MAGI2: variants seen among roughly 807,000 people sequenced by gnomAD.
MAGI2 encodes the protein membrane-associated guanylate kinase, WW and PDZ domain-containing protein 2.
MAGI2 carries 35 observed loss-of-function variants against 133.3 expected under a neutral mutation model. The ratio of observed to expected loss-of-function variants is 0.26; its 90% CI spans 0.20 to 0.35. The LOEUF (loss-of-function observed/expected upper bound fraction) is 0.35. MAGI2 is among the 10% of genes least tolerant of loss of function. The pLI, the probability that MAGI2 is intolerant of heterozygous loss-of-function variation, is 1.00. For synonymous variants in MAGI2, 729 were observed against 710.6 expected (o/e 1.03, Z -0.41); for missense variants, 1,636 against 1,863.4 (o/e 0.88, Z 2.25).
chr7:79,008,525 C>T lies in MAGI2; in HGVS notation c.302-1319G>A, dbSNP rs1584658496. Among the ~76,000 whole-genome samples, 6 of 152,244 alleles carry T rather than the reference C, an allele frequency of 3.9e-5. No individual in the cohort carries two copies. In the South Asian group the frequency reaches 1.2e-3, roughly 32 times the overall value. ...AATTCTTACCCTCCAGATGATGTTTCTTTCATATTTGAGCAAATGGTCTCT... is the reference window on the plus strand; with the variant it reads ...AATTCTTACCCTCCAGATGATGTTTTTTTCATATTTGAGCAAATGGTCTCT... On this transcript the variant is annotated intron_variant, in intron 1 of 21. Coordinates refer to ENST00000354212, the MANE Select transcript of MAGI2 (RefSeq NM_012301.4).
rs772044827 is a variant in MAGI2 at position 78,501,636 on chromosome 7, G to T, written c.906C>A (p.Asp302Glu). The change falls in exon 5 of 22, where the codon GAC (aspartate) becomes GAA (glutamate). Residue 302 changes from aspartate to glutamate, a missense_variant. Around this residue, in one of 5 missense-constraint regions of MAGI2, gnomAD observed 920 missense variants for 1,093.5 expected, o/e 0.84. Coordinates refer to ENST00000354212, the MANE Select transcript of MAGI2 (RefSeq NM_012301.4). The stretch of plus-strand genomic sequence containing the variant: ...CCATTTCCCAGTTATCAGGCAATGG[G>T]TCTGGTTCCTCATTGTCTTCAGGTT... Reference protein sequence around the residue: ...PTKPEDNEEPDPLPDNWEMAY... With the variant: ...PTKPEDNEEPEPLPDNWEMAY... 1 of 1,614,118 alleles carries T rather than the reference G, an allele frequency of 6.2e-7. No individual in the cohort carries two copies. Among genetic ancestry groups the T allele is most frequent in the East Asian group, 2.2e-5 (1 of 44,864 alleles).
intron 1 of MAGI2, among the ~76,000 whole-genome samples, chr7:79,298,859 C>T (rs1475751342): frequency 6.6e-6 from 1 of 150,894 alleles, no homozygotes; most frequent in Middle Eastern, 3.2e-3. Flanking sequence ...TGTGTGAAGA[C>T]AGAGGGAAAA....
intron 2 of MAGI2, among the ~76,000 whole-genome samples, chr7:78,997,742 A>G (rs535247691): frequency 7.3e-4 from 111 of 152,274 alleles, no homozygotes; most frequent in Admixed American, 2.5e-3. Context: ...TCTGTGCTCT[A>G]AAGTCCTTGA....
intron 6 of MAGI2, among the ~76,000 whole-genome samples, chr7:78,481,155 G>A (rs575309163): frequency 6.6e-6 from 1 of 151,908 alleles, no homozygotes; most frequent in Non-Finnish European, 1.5e-5. Flanking sequence ...GTATTAGTCT[G>A]TTCTCACACT....
chr7:78,976,271 A>G (rs906868079), intron 2 of MAGI2, among the ~76,000 whole-genome samples: 10 of 151,658 alleles, frequency 6.6e-5, no homozygotes, highest in Non-Finnish European at 1.0e-4. Context: ...AGCTGTTTCA[A>G]CATTAGACAA....
chr7:78,771,883 T>G (rs886330305), intron 2 of MAGI2, among the ~76,000 whole-genome samples: 4 of 152,230 alleles, frequency 2.6e-5, no homozygotes, highest in Non-Finnish European at 5.9e-5. Flanking sequence ...TGCTTTGCTC[T>G]GAGACAAATA....
At chr7:79,136,004 A>AAAGAAAGAAAGAAG (rs1167684250) in intron 1 of MAGI2, among the ~76,000 whole-genome samples, 1 of 10,926 alleles carries the variant, frequency 9.2e-5, no homozygotes, top group African/African-American at 2.3e-4. Context: ...AGAAAGAAAG[A>AAAGAAAGAAAGAAG]GAAAGAAAGA....
intron 2 of MAGI2, among the ~76,000 whole-genome samples, chr7:78,904,863 T>G (rs1212079560): frequency 6.6e-6 from 1 of 152,192 alleles, no homozygotes; most frequent in African/African-American, 2.4e-5. Context: ...GGAGAAAGAA[T>G]GAACCATAAG....
At chr7:79,131,225 T>C (rs1459968353) in intron 1 of MAGI2, among the ~76,000 whole-genome samples, 1 of 152,190 alleles carries the variant, frequency 6.6e-6, no homozygotes, top group Non-Finnish European at 1.5e-5. Context: ...CATACTGTTC[T>C]TTCTCCCAAT....
chr7:78,687,704 C>T (rs1563354877), intron 2 of MAGI2, among the ~76,000 whole-genome samples: 1 of 152,046 alleles, frequency 6.6e-6, no homozygotes, highest in African/African-American at 2.4e-5. Context: ...CGCGGTGGCT[C>T]ACGCCTGTAA....
intron 20 of MAGI2, among the ~76,000 whole-genome samples, chr7:78,124,464 C>T (rs1031238528): frequency 6.6e-6 from 1 of 152,180 alleles, no homozygotes; most frequent in South Asian, 2.1e-4. Flanking sequence ...ATGCCTTCTG[C>T]TTTTGGACTG....
chr7:78,762,332 A>G (rs567680153), intron 2 of MAGI2, among the ~76,000 whole-genome samples: 43 of 152,222 alleles, frequency 2.8e-4, no homozygotes, highest in African/African-American at 9.6e-4. Context: ...AATCCCAGTT[A>G]CTCAGGAGGC....
intron 6 of MAGI2, among the ~76,000 whole-genome samples, chr7:78,411,025 GA>G (rs982263550): frequency 6.6e-6 from 1 of 151,818 alleles, no homozygotes; most frequent in African/African-American, 2.4e-5. Context: ...AAAATATCCA[GA>G]AAAAAATAGC....
intron 1 of MAGI2, among the ~76,000 whole-genome samples, chr7:79,248,584 A>G (rs1308125243): frequency 1.3e-5 from 2 of 152,164 alleles, no homozygotes; most frequent in Non-Finnish European, 2.9e-5. Context: ...TCCTTAGTAC[A>G]TGGATCATTC....
chr7:78,952,102 A>G (rs1285324026), intron 2 of MAGI2, among the ~76,000 whole-genome samples: 1 of 152,118 alleles, frequency 6.6e-6, no homozygotes, highest in East Asian at 1.9e-4. Flanking sequence ...CTACCCTTCC[A>G]AATTTATCTC....
intron 1 of MAGI2, among the ~76,000 whole-genome samples, chr7:79,101,865 T>C (rs1380593694): frequency 6.6e-6 from 1 of 151,926 alleles, no homozygotes; most frequent in Non-Finnish European, 1.5e-5. Flanking sequence ...AAATTCTGTC[T>C]ATAACATATA....
At chr7:78,225,943 T>C (rs139660392) in intron 10 of MAGI2, among the ~76,000 whole-genome samples, 2 of 152,312 alleles carry the variant, frequency 1.3e-5, no homozygotes, top group East Asian at 1.9e-4. Flanking sequence ...ACATGATAGA[T>C]AAGTCTAAGA....
At chr7:79,110,008 T>C (rs1348036617) in intron 1 of MAGI2, among the ~76,000 whole-genome samples, 1 of 152,180 alleles carries the variant, frequency 6.6e-6, no homozygotes, top group Non-Finnish European at 1.5e-5. Flanking sequence ...GCCCCAGTCT[T>C]GGCTCAAAGG....
intron 2 of MAGI2, among the ~76,000 whole-genome samples, chr7:78,925,008 T>G (rs190298724): frequency 6.6e-6 from 1 of 152,074 alleles, no homozygotes; most frequent in East Asian, 1.9e-4. Context: ...TTTTGACATG[T>G]GATTTGGCCA....
Sources: gnomAD v4.1 joint callset for allele counts (sites outside exome capture counted in the v4.1 genomes callset) on GRCh38, gnomAD v4.1.1 for gene constraint, gnomAD v4.1.1 regional missense constraint, MANE v1.5 for transcripts, NCBI Gene and HGNC (gene_info 2026-07-23, HGNC 2026-07-21) for gene names.